Variants in SNTG1 observed in about 807,000 individuals in gnomAD.
SNTG1 encodes syntrophin gamma 1.
SNTG1 carries 39 observed loss-of-function variants against 74.7 expected under a neutral mutation model. The ratio of observed to expected loss-of-function variants is 0.52; its 90% confidence interval spans 0.40 to 0.68. The LOEUF is 0.68. SNTG1 is among the 30% of genes least tolerant of loss of function. The pLI is 0.00. For synonymous variants in SNTG1, 254 were observed against 217.1 expected (o/e 1.17, Z -1.49); for missense variants, 685 against 609.5 (o/e 1.12, Z -1.30).
chr8:50,051,976 T>A (rs567729841), intron 1 of SNTG1, among the ~76,000 whole-genome samples: 1 of 152,228 alleles, frequency 6.6e-6, no homozygotes, highest in South Asian at 2.1e-4. Context: ...TGTTAAGATG[T>A]TTATACCTCC....
intron 1 of SNTG1, among the ~76,000 whole-genome samples, chr8:50,157,463 T>C (rs1051445703): frequency 5.9e-5 from 9 of 152,096 alleles, no homozygotes; most frequent in Non-Finnish European, 1.2e-4. Context: ...TTAAGGTAAA[T>C]CTGATTATAA....
chr8:50,153,576 G>A (rs1373820762), intron 1 of SNTG1, among the ~76,000 whole-genome samples: 1 of 152,098 alleles, frequency 6.6e-6, no homozygotes, highest in Non-Finnish European at 1.5e-5. Context: ...ACAGATGGGG[G>A]TTTTGGTGCG....
At chr8:49,923,716 G>T (rs1418535114) in intron 1 of SNTG1, among the ~76,000 whole-genome samples, 3 of 152,040 alleles carry the variant, frequency 2.0e-5, no homozygotes, top group Admixed American at 6.6e-5. Flanking sequence ...AAAAAAAAAG[G>T]CTTGGCATCT....
intron 2 of SNTG1, among the ~76,000 whole-genome samples, chr8:50,259,374 C>T (rs2087041282): frequency 6.6e-6 from 1 of 151,682 alleles, no homozygotes; most frequent in Non-Finnish European, 1.5e-5. Flanking sequence ...TGGTGTGCAC[C>T]TGTAATCCTA....
At chr8:50,281,172 T>A (rs1472967467) in intron 2 of SNTG1, among the ~76,000 whole-genome samples, 2 of 151,916 alleles carry the variant, frequency 1.3e-5, no homozygotes, top group Non-Finnish European at 1.5e-5. Flanking sequence ...TACACTAGAG[T>A]CAGGTTGGAA....
intron 1 of SNTG1, among the ~76,000 whole-genome samples, chr8:50,171,323 A>C (rs2082799569): frequency 6.6e-6 from 1 of 152,170 alleles, no homozygotes; most frequent in Non-Finnish European, 1.5e-5. Context: ...TCAACTGAGG[A>C]GCAAAGAAAC....
At chr8:50,202,931 C>G (rs2084045974) in intron 2 of SNTG1, among the ~76,000 whole-genome samples, 1 of 151,768 alleles carries the variant, frequency 6.6e-6, no homozygotes, top group Non-Finnish European at 1.5e-5. Context: ...GGAAAGATCT[C>G]AATGACTATT....
chr8:50,494,380 A>G (rs569853642), intron 8 of SNTG1, among the ~76,000 whole-genome samples: 1 of 152,016 alleles, frequency 6.6e-6, no homozygotes, highest in Admixed American at 6.6e-5. Context: ...TATTTATACT[A>G]CCACATCTGC....
intron 2 of SNTG1, among the ~76,000 whole-genome samples, chr8:50,234,645 T>TAAG (rs2085799216): frequency 6.6e-6 from 1 of 152,066 alleles, no homozygotes; most frequent in African/African-American, 2.4e-5. Flanking sequence ...CCTGTGAATG[T>TAAG]ATAAAAAGTC....
chr8:50,362,182 T>A (rs968769026), intron 2 of SNTG1, among the ~76,000 whole-genome samples: 1 of 152,148 alleles, frequency 6.6e-6, no homozygotes, highest in African/African-American at 2.4e-5. Context: ...CATTTTATTG[T>A]CCCCTCATTG....
chr8:50,704,577 G>T (rs568922212), intron 15 of SNTG1, 23 bp from the exon 16 acceptor site: 23 of 1,613,882 alleles, frequency 1.4e-5, no homozygotes, highest in Non-Finnish European at 1.9e-5. Flanking sequence ...GTGCCAGCCT[G>T]TGTAACTCCA....
At chr8:50,347,247 G>T (rs1369583607) in intron 2 of SNTG1, among the ~76,000 whole-genome samples, 10 of 152,080 alleles carry the variant, frequency 6.6e-5, no homozygotes, top group Admixed American at 5.2e-4. Flanking sequence ...TAAATCCTAG[G>T]GCTCTTAAGA....
chr8:50,785,276 G>T (rs1216274646), intron 18 of SNTG1, among the ~76,000 whole-genome samples: 2 of 151,660 alleles, frequency 1.3e-5, no homozygotes, highest in Non-Finnish European at 2.9e-5. Context: ...AGGTTAACAA[G>T]AGTGACAAAA....
At chr8:50,197,817 C>T (rs182615775) in intron 2 of SNTG1, among the ~76,000 whole-genome samples, 116 of 152,130 alleles carry the variant, frequency 7.6e-4, no homozygotes, top group Non-Finnish European at 1.1e-3. Context: ...GTCCTAGTAC[C>T]GTCTTCTAAA....
At chr8:50,322,696 G>C (rs1414426659) in intron 2 of SNTG1, among the ~76,000 whole-genome samples, 2 of 151,848 alleles carry the variant, frequency 1.3e-5, no homozygotes, top group Non-Finnish European at 2.9e-5. Context: ...TTATTTTCTA[G>C]ATCTTGTAGG....
intron 1 of SNTG1, among the ~76,000 whole-genome samples, chr8:50,113,316 A>G (rs543550021): frequency 9.2e-5 from 14 of 152,278 alleles, no homozygotes; most frequent in Admixed American, 6.5e-4. Context: ...GGTCCTTCAC[A>G]TCCCTTGTAA....
chr8:50,197,217 CAT>C (rs1159738271), intron 2 of SNTG1, among the ~76,000 whole-genome samples: 1 of 152,112 alleles, frequency 6.6e-6, no homozygotes, highest in African/African-American at 2.4e-5. Flanking sequence ...CTATGGAAAA[CAT>C]CACCACTGGC....
At chr8:49,938,603 T>TTTTTTTTTTTTCTTTTCTTTCTTTCTTTC (rs1554524905) in intron 1 of SNTG1, among the ~76,000 whole-genome samples, 1 of 74,764 alleles carries the variant, frequency 1.3e-5, no homozygotes, top group African/African-American at 4.5e-5. Context: ...TTTTCTTTTC[T>TTTTTTTTTTTTCTTTTCTTTCTTTCTTTC]TTTCTTTCTT....
intron 18 of SNTG1, among the ~76,000 whole-genome samples, chr8:50,775,146 T>C (rs2095637189): frequency 6.6e-6 from 1 of 151,430 alleles, no homozygotes; most frequent in African/African-American, 2.4e-5. Context: ...TAAAAGCAAA[T>C]ATATTAAATA....
Sources: gnomAD v4.1 joint callset for allele counts (sites outside exome capture counted in the v4.1 genomes callset) on GRCh38, gnomAD v4.1.1 for gene constraint, MANE v1.5 for transcripts, NCBI Gene and HGNC (gene_info 2026-07-23, HGNC 2026-07-21) for gene names.